SEC24A: variants seen among roughly 807,000 people sequenced by gnomAD.
SEC24A encodes SEC24 homolog A, COPII component, also known as protein transport protein Sec24A.
A neutral mutation model predicts 129.4 loss-of-function variants in SEC24A; 93 were observed. That is an observed-to-expected ratio of 0.72 (90% CI 0.61 to 0.85). The LOEUF (loss-of-function observed/expected upper bound fraction) is 0.85, where lower values mean the gene tolerates loss of function less well. SEC24A is among the 40% of genes least tolerant of loss of function. The probability of loss-of-function intolerance (pLI) is 0.00; values close to 1 mark genes in which losing one functional copy is unlikely to be tolerated. For synonymous variants in SEC24A, 460 were observed against 467.3 expected, an observed-to-expected ratio of 0.98 and a Z score of 0.20; for missense variants, 1,264 against 1,307.4, an observed-to-expected ratio of 0.97 and a Z score of 0.51.
chr5:134,653,246 G>A (rs895193494), intron 1 of SEC24A, among the ~76,000 whole-genome samples: 1 of 151,580 alleles, frequency 6.6e-6, no homozygotes, highest in Non-Finnish European at 1.5e-5. Context: ...TTCCAGTTTC[G>A]TTTGTTTGTT....
intron 11 of SEC24A, among the ~76,000 whole-genome samples, chr5:134,691,734 G>A (rs1483650976): frequency 4.7e-5 from 7 of 150,228 alleles, no homozygotes; most frequent in Admixed American, 2.6e-4. Context: ...ATCCGCCCGC[G>A]TCGGCCTCCC....
intron 3 of SEC24A, among the ~76,000 whole-genome samples, chr5:134,671,084 G>A (rs905954277): frequency 4.0e-5 from 6 of 151,770 alleles, no homozygotes; most frequent in African/African-American, 9.7e-5. Flanking sequence ...TCGCTCTGTC[G>A]CCCAGGCTGG....
intron 1 of SEC24A, 66 bp downstream of exon 1, chr5:134,649,239 G>T (rs1749966107): frequency 8.4e-7 from 1 of 1,191,960 alleles, no homozygotes; most frequent in South Asian, 1.4e-5. Flanking sequence ...TGCCACTGCT[G>T]CTTGAGGCGA....
At chr5:134,675,001 C>A in intron 5 of SEC24A, 44 bp from the exon 6 acceptor site, 1 of 1,466,334 alleles carries the variant, frequency 6.8e-7, no homozygotes, top group Non-Finnish European at 9.2e-7. Context: ...CACTTCCCTA[C>A]ACACTTAATA....
intron 8 of SEC24A, among the ~76,000 whole-genome samples, chr5:134,681,502 T>G (rs1751273722): frequency 6.6e-6 from 1 of 151,598 alleles, no homozygotes; most frequent in South Asian, 2.1e-4. Context: ...AAAGTAAGGA[T>G]AGGCTAAGAA....
intron 9 of SEC24A, among the ~76,000 whole-genome samples, chr5:134,683,370 A>G (rs1751340427): frequency 6.6e-6 from 1 of 151,380 alleles, no homozygotes; most frequent in Non-Finnish European, 1.5e-5. Context: ...CTATTGCTTC[A>G]TTTTTCCTTC....
Position 134,720,988 on chromosome 5 carries a change from C to T in SEC24A, c.2971-10C>T, listed in dbSNP as rs201057727. The T allele has an allele frequency of 4.7e-5, 73 of 1,547,026 alleles. No homozygotes were observed. The highest frequency in any genetic ancestry group is 5.8e-5 in the Non-Finnish European group (65 of 1,120,050). ...GCTGCATCTCAAAATAATTTTATTC[C>T]TGTCCCTAGGTACTGATGCTTTGGG... On this transcript the variant is annotated splice_polypyrimidine_tract_variant and intron_variant, in intron 20 of 22. Transcript: ENST00000398844.
rs747693202 is a variant in SEC24A at position 134,661,618 on chromosome 5, G to T, written c.565+32G>T. On this transcript the variant is annotated intron_variant, in intron 2 of 22. Transcript: ENST00000398844. ...TTCTTATAGAAGTGCTTAAAATGTA[G>T]AAATGTGAAACTTTTGCTTATTTAG... 5 of 1,500,270 alleles carry T rather than the reference G, an allele frequency of 3.3e-6. No homozygotes were observed. In the South Asian group the frequency reaches 4.7e-5, roughly 14 times the overall value. 92.9% of individuals were successfully genotyped at this position (1,500,270 alleles called of 1,614,324 possible). A position where few individuals can be genotyped will look rare whatever the true frequency, so the allele number is the denominator to read the frequency against.
chr5:134,662,090 C>T (rs1226926236), intron 2 of SEC24A, among the ~76,000 whole-genome samples: 1 of 152,046 alleles, frequency 6.6e-6, no homozygotes, highest in African/African-American at 2.4e-5. Context: ...CTCAGCCTCC[C>T]AAAGTGCGAG....
intron 9 of SEC24A, among the ~76,000 whole-genome samples, chr5:134,685,860 G>A (rs1270863824): frequency 6.6e-6 from 1 of 152,034 alleles, no homozygotes; most frequent in African/African-American, 2.4e-5. Flanking sequence ...GTGGTGGCGC[G>A]TGCCTGTAAT....
intron 3 of SEC24A, among the ~76,000 whole-genome samples, chr5:134,669,563 G>A (rs1242415030): frequency 4.6e-5 from 7 of 150,740 alleles, no homozygotes; most frequent in African/African-American, 7.3e-5. Flanking sequence ...TGCAACCTCC[G>A]CTCCCGGGTT....
chr5:134,657,223 TTATATTTTGTAGAGATAGGGACTTGC>T (rs1248048714), intron 1 of SEC24A, among the ~76,000 whole-genome samples: 7 of 141,900 alleles, frequency 4.9e-5, no homozygotes, highest in African/African-American at 1.7e-4. Flanking sequence ...CAACCAAAAC[TTATATTTTGTAGAGATAGGGACTTGC>T]TATTGCCCAG....
At chr5:134,681,781 G>A (rs1751282434) in intron 8 of SEC24A, among the ~76,000 whole-genome samples, 1 of 152,070 alleles carries the variant, frequency 6.6e-6, no homozygotes, top group South Asian at 2.1e-4. Flanking sequence ...ATAAGTGGTA[G>A]GTATGATGTT....
chr5:134,691,461 C>G (rs1014042863), intron 11 of SEC24A, among the ~76,000 whole-genome samples: 3 of 151,630 alleles, frequency 2.0e-5, no homozygotes, highest in Admixed American at 6.6e-5. Context: ...GCCACCGCAC[C>G]CAGCCCATAG....
At chr5:134,722,213 G>A (rs547765251) in intron 21 of SEC24A, among the ~76,000 whole-genome samples, 1 of 151,782 alleles carries the variant, frequency 6.6e-6, no homozygotes, top group South Asian at 2.1e-4. Context: ...AAGGTTGCCC[G>A]GGCGTGGTGG....
intron 18 of SEC24A, among the ~76,000 whole-genome samples, chr5:134,709,150 G>A (rs1474280246): frequency 1.3e-5 from 2 of 152,146 alleles, no homozygotes; most frequent in East Asian, 3.9e-4. Flanking sequence ...GGCGGAGGTT[G>A]TAGTGAGCCC....
chr5:134,671,934 A>G (rs370075647), intron 4 of SEC24A, 48 bp downstream of exon 4: 16 of 1,136,260 alleles, frequency 1.4e-5, no homozygotes, highest in East Asian at 4.7e-5. Context: ...TTCTGATTAT[A>G]GAAATAATAT....
chr5:134,711,276 A>C (rs181652667), intron 18 of SEC24A, among the ~76,000 whole-genome samples: 130 of 152,328 alleles, frequency 8.5e-4, no homozygotes, highest in Middle Eastern at 3.4e-3. Flanking sequence ...CAGCCTGGGC[A>C]AGAAAGCAAG....
chr5:134,720,570 G>GT (rs1752601491), intron 20 of SEC24A, among the ~76,000 whole-genome samples: 2 of 152,250 alleles, frequency 1.3e-5, no homozygotes, highest in African/African-American at 4.8e-5. Context: ...GTTAAAGGCT[G>GT]TACAATCTCA....
Sources: gnomAD v4.1 joint callset for allele counts (sites outside exome capture counted in the v4.1 genomes callset) on GRCh38, gnomAD v4.1.1 for gene constraint, MANE v1.5 for transcripts, NCBI Gene and HGNC (gene_info 2026-07-23, HGNC 2026-07-21) for gene names.